RANBP10: variants seen among roughly 807,000 people sequenced by gnomAD.
The protein encoded by RANBP10 is RAN binding protein 10.
RANBP10 carries 24 observed loss-of-function variants against 72.8 expected under a neutral mutation model. That is an observed-to-expected ratio of 0.33 (90% CI 0.24 to 0.46). The LOEUF is 0.46. RANBP10 is among the 20% of genes least tolerant of loss of function. RANBP10 has a pLI of 1.00. For missense variants in RANBP10, 679 were observed against 817.5 expected (o/e 0.83, Z 2.07); for synonymous variants, 310 against 322.3 (o/e 0.96, Z 0.41).
intron 6 of RANBP10, among the ~76,000 whole-genome samples, chr16:67,733,487 T>G (rs2053775754): frequency 6.6e-6 from 1 of 152,194 alleles, no homozygotes; most frequent in African/African-American, 2.4e-5. Context: ...AGAGAAGGAA[T>G]TACCTGACCT....
chr16:67,737,084 G>A (rs1040510898), intron 5 of RANBP10, among the ~76,000 whole-genome samples: 9 of 151,450 alleles, frequency 5.9e-5, no homozygotes, highest in African/African-American at 2.2e-4. Flanking sequence ...GTACAGGTGC[G>A]GGATGGCTGG....
intron 3 of RANBP10, among the ~76,000 whole-genome samples, chr16:67,750,586 T>C (rs2143007618): frequency 6.6e-6 from 1 of 152,222 alleles, no homozygotes; most frequent in Admixed American, 6.5e-5. Context: ...GTCTGACAAG[T>C]GGTACAGGTG....
intron 3 of RANBP10, among the ~76,000 whole-genome samples, chr16:67,758,698 T>A (rs775839894): frequency 2.0e-5 from 3 of 152,214 alleles, no homozygotes; most frequent in Non-Finnish European, 4.4e-5. Context: ...CCCTCTGCTG[T>A]CGATGAAACC....
chr16:67,742,353 T>A (rs2053985669), intron 4 of RANBP10, among the ~76,000 whole-genome samples: 1 of 152,148 alleles, frequency 6.6e-6, no homozygotes, highest in South Asian at 2.1e-4. Context: ...AATTTTAGAT[T>A]AATACAACAC....
chr16:67,723,308 A>G lies in RANBP10; in HGVS notation c.*3120T>C, dbSNP rs2053557399. ...GTAGTTACTAATGCAGGAAAACCCA[A>G]TGCAAAGAGGAAAATGCCTGAGGCA... is the stretch of plus-strand genomic sequence containing the variant. On this transcript the variant is annotated 3_prime_UTR_variant, in exon 14 of 14. Coordinates refer to ENST00000317506, the MANE Select transcript of RANBP10 (RefSeq NM_020850.3). 6.5e-6 allele frequency: 1 copy of G among 152,676 alleles called. No individual in the cohort carries two copies. Among genetic ancestry groups the G allele is most frequent in the Non-Finnish European group, 1.5e-5 (1 of 68,066 alleles). 9.5% of individuals were successfully genotyped at this position (152,676 alleles called of 1,614,324 possible). A position where few individuals can be genotyped will look rare whatever the true frequency, so the allele number is the denominator to read the frequency against.
intron 3 of RANBP10, among the ~76,000 whole-genome samples, chr16:67,753,107 G>A (rs1038290073): frequency 2.0e-5 from 3 of 151,604 alleles, no homozygotes; most frequent in Non-Finnish European, 4.4e-5. Flanking sequence ...TGGGTGTGGC[G>A]GTGTGTACTT....
intron 11 of RANBP10, 79 bp downstream of exon 11, chr16:67,728,311 C>A: frequency 1.3e-6 from 2 of 1,511,604 alleles, no homozygotes; most frequent in South Asian, 1.2e-5. Context: ...GCCTGCCTAC[C>A]CCAGCCCCTC....
intron 2 of RANBP10, among the ~76,000 whole-genome samples, chr16:67,789,589 C>T (rs890987552): frequency 2.6e-5 from 4 of 151,510 alleles, no homozygotes; most frequent in African/African-American, 7.3e-5. Flanking sequence ...CCTGCCTCAG[C>T]CTCCCAAGTA....
Position 67,775,952 on chromosome 16 carries a change from T to C in RANBP10, c.348-3866A>G, listed in dbSNP as rs927559489. On this transcript the variant is annotated intron_variant, in intron 2 of 13. Coordinates refer to ENST00000317506, the MANE Select transcript of RANBP10 (RefSeq NM_020850.3). ...CAAGGTCAGGAGATCAAGACCATCC[T>C]GGCCAACACGGTGAAACCCCGTCTC... 5.9e-5 allele frequency among the ~76,000 whole-genome samples: 9 copies of C among 151,390 alleles called. 1 individual carries two copies. The South Asian group carries it at 1.9e-3, about 32-fold the overall frequency.
rs1597915686 is a variant in RANBP10, at chr16:67,791,602, C to G, written c.347+13826G>C. Among the ~76,000 whole-genome samples the G allele has an allele frequency of 2.6e-5, 4 of 152,218 alleles. 1 individual carries two copies. The highest frequency in any genetic ancestry group is 2.6e-4 in the Admixed American group (4 of 15,258). On this transcript the variant is annotated intron_variant, in intron 2 of 13. Coordinates refer to ENST00000317506, the MANE Select transcript of RANBP10 (RefSeq NM_020850.3). ...GTGAAAGGGCTAGTCACCAGTACCC[C>G]CAACCCTAGACCTCCCAGGGGCTCC...
At chr16:67,733,387 A>C (rs2053772955) in intron 6 of RANBP10, among the ~76,000 whole-genome samples, 1 of 152,108 alleles carries the variant, frequency 6.6e-6, no homozygotes, top group Non-Finnish European at 1.5e-5. Context: ...AGTAAGTATA[A>C]TTATTATTAT....
At position 67,806,469 on chromosome 16, in the gene RANBP10, G is replaced by C; in HGVS notation, c.68C>G (p.Ala23Gly). 1 of 1,556,692 alleles carries C rather than the reference G, an allele frequency of 6.4e-7. No homozygotes were observed. Among genetic ancestry groups the C allele is most frequent in the Non-Finnish European group, 8.7e-7 (1 of 1,156,036 alleles). Residue 23 changes from alanine (A) to glycine (G), a missense_variant, in exon 1 of 14, where the codon GCT becomes GGT. By Grantham distance (60) the Ala-to-Gly change is moderately conservative. Transcript: ENST00000317506. The stretch of plus-strand genomic sequence containing the variant: ...CCCAGGGGACGGCAGCCCGCCCCCA[G>C]CGCCCCCGCCGGAGGAGTCCCCAGG... ...PQPGDSSGGG[A>G]GGGLPSPGEQ... is the part of the protein sequence containing the mutation.
At chr16:67,796,217 A>G (rs1390857381) in intron 2 of RANBP10, among the ~76,000 whole-genome samples, 2 of 152,138 alleles carry the variant, frequency 1.3e-5, no homozygotes, top group Non-Finnish European at 2.9e-5. Context: ...CACACAGCCT[A>G]TTTTGATTTT....
chr16:67,791,528 T>G (rs1374409139), intron 2 of RANBP10, among the ~76,000 whole-genome samples: 1 of 152,190 alleles, frequency 6.6e-6, no homozygotes, highest in Non-Finnish European at 1.5e-5. Context: ...AGGGCTGAGA[T>G]GGCTGTTGGA....
chr16:67,806,235 G>A, intron 1 of RANBP10, 67 bp downstream of exon 1: 1 of 1,427,690 alleles, frequency 7.0e-7, no homozygotes, highest in East Asian at 2.5e-5. Flanking sequence ...ATAGGGCGGG[G>A]GCCTGGCAGC....
At chr16:67,735,558 C>G (rs143371629) in intron 5 of RANBP10, 1,762 of 152,538 alleles carry the variant, frequency 0.012, 28 homozygotes, top group African/African-American at 0.035. Flanking sequence ...TTTTCAAGAC[C>G]AGTCTGGGCA....
At chr16:67,769,796 TG>T (rs1190615608) in intron 3 of RANBP10, among the ~76,000 whole-genome samples, 1 of 139,100 alleles carries the variant, frequency 7.2e-6, no homozygotes, top group Non-Finnish European at 1.5e-5. Flanking sequence ...CCAGGCAGGC[TG>T]GCTCATGCCA....
chr16:67,788,182 A>AT (rs2054951249), intron 2 of RANBP10, among the ~76,000 whole-genome samples: 1 of 151,876 alleles, frequency 6.6e-6, no homozygotes, highest in South Asian at 2.1e-4. Context: ...TGGAACTTTG[A>AT]TTGACTGACT....
intron 3 of RANBP10, among the ~76,000 whole-genome samples, chr16:67,746,049 A>G (rs1302714511): frequency 6.6e-6 from 1 of 152,026 alleles, no homozygotes; most frequent in Admixed American, 6.6e-5. Flanking sequence ...CCAGCTACTC[A>G]GGAGGCTGAG....
Sources: gnomAD v4.1 joint callset for allele counts (sites outside exome capture counted in the v4.1 genomes callset) on GRCh38, gnomAD v4.1.1 for gene constraint, MANE v1.5 for transcripts, NCBI Gene and HGNC (gene_info 2026-07-23, HGNC 2026-07-21) for gene names.